NAT2: variants seen among roughly 807,000 people sequenced by gnomAD.
NAT2 encodes arylamine N-acetyltransferase 2.
For synonymous variants in NAT2, 137 were observed against 125.9 expected (o/e 1.09, Z -0.59); for missense variants, 428 against 339.1 (o/e 1.26, Z -2.06).
chr8:18,389,550 CAAAACTGTCAAACATTTG>C (rs1304748107), upstream of NAT2, among the ~76,000 whole-genome samples: 1 of 152,174 alleles, frequency 6.6e-6, no homozygotes, highest in Admixed American at 6.5e-5. Flanking sequence ...CTTAGATACA[CAAAACTGTCAAACATTTG>C]AAGGTGGCTA....
At chr8:18,398,199 A>G (rs1961456) in intron 1 of NAT2, among the ~76,000 whole-genome samples, 50,785 of 152,018 alleles carry the variant, frequency 0.33, 9,044 homozygotes, top group East Asian at 0.67. Context: ...GATTGAGGCA[A>G]AAGGCATAAC....
rs779874333 is a variant in NAT2 at position 18,400,141 on chromosome 8, A to G, written c.138A>G (p.Gln46=). ...PFENLNMHCG[Q]AMELGLEAIF... is the part of the protein sequence containing the mutation. Reference sequence around the variant, plus strand: ...AGAACCTTAACATGCATTGTGGGCAAGCCATGGAGTTGGGCTTAGAGGCTA... The same window carrying G: ...AGAACCTTAACATGCATTGTGGGCAGGCCATGGAGTTGGGCTTAGAGGCTA... The change falls in exon 2 of 2, where the codon CAA becomes CAG. Residue 46 remains glutamine (Q), a synonymous_variant. Transcript: ENST00000286479. 6.2e-7 allele frequency: 1 copy of G among 1,614,082 alleles called. No homozygotes were observed.
chr8:18,400,857 A>G lies in NAT2; in HGVS notation c.854A>G (p.Asp285Gly), dbSNP rs1283582970. 6.3e-7 allele frequency: 1 copy of G among 1,598,708 alleles called. No homozygotes were observed. Among genetic ancestry groups the G allele is most frequent in the Non-Finnish European group, 8.5e-7 (1 of 1,174,770 alleles). Reference sequence around the variant, plus strand: ...AGAAATCTCGTGCCCAAACCTGGTGATGGATCCCTTACTATTTAGAATAAG... The same window carrying G: ...AGAAATCTCGTGCCCAAACCTGGTGGTGGATCCCTTACTATTTAGAATAAG... ...LGRNLVPKPG[D>G]GSLTI The change falls in exon 2 of 2, where the codon GAT becomes GGT. Residue 285 changes from aspartate to glycine, a missense_variant. Physicochemically the swap from Asp to Gly is moderately conservative, Grantham distance 94. Coordinates refer to ENST00000286479, the MANE Select transcript of NAT2 (RefSeq NM_000015.3).
intron 1 of NAT2, among the ~76,000 whole-genome samples, chr8:18,394,104 A>T (rs1800641586): frequency 6.6e-6 from 1 of 152,066 alleles, no homozygotes; most frequent in Non-Finnish European, 1.5e-5. Flanking sequence ...AAAGAAAAGT[A>T]CAGTCAAAGG....
chr8:18,398,157 G>A (rs1046480777), intron 1 of NAT2, among the ~76,000 whole-genome samples: 1 of 152,258 alleles, frequency 6.6e-6, no homozygotes, highest in South Asian at 2.1e-4. Context: ...TTATGCTTAG[G>A]TGCGACAAGG....
At chr8:18,398,366 C>T (rs1112005) in intron 1 of NAT2, among the ~76,000 whole-genome samples, 37,746 of 152,018 alleles carry the variant, frequency 0.25, 4,890 homozygotes, top group South Asian at 0.34. Context: ...AATTCATACA[C>T]AGAAAGGGAG....
At chr8:18,388,117 C>T (rs964664934), upstream of NAT2, among the ~76,000 whole-genome samples, 72 of 152,210 alleles carry the variant, frequency 4.7e-4, no homozygotes, top group African/African-American at 1.7e-3. Flanking sequence ...GGTGGGCATC[C>T]TGGAGGTAAA....
Position 18,400,952 on chromosome 8 carries a change from C to T in NAT2, c.*76C>T, listed in dbSNP as rs1262145401. 1 of 1,027,128 alleles carries T rather than the reference C, an allele frequency of 9.7e-7. No individual in the cohort carries two copies. The highest frequency in any genetic ancestry group is 1.6e-5 in the African/African-American group (1 of 60,828). The allele number at this position is 1,027,128 out of a possible 1,614,324, so 63.6% of individuals were successfully genotyped here. On this transcript the variant is annotated 3_prime_UTR_variant, in exon 2 of 2. Transcript: ENST00000286479. ...ATCAACTTATGTGCTATCAGATATC[C>T]TCTCTACCCTCACGTTATTTTGAAG... is the stretch of plus-strand genomic sequence containing the variant.
chr8:18,394,880 AT>A, intron 1 of NAT2, among the ~76,000 whole-genome samples: 2 of 152,356 alleles, frequency 1.3e-5, no homozygotes, highest in Middle Eastern at 6.8e-3. Context: ...TAAATTAGCA[AT>A]AATCACTAAG....
rs1800633046 is a variant in NAT2, at chr8:18,393,822, G to C, written c.-7+2477G>C. On this transcript the variant is annotated intron_variant, in intron 1 of 1. Transcript: ENST00000286479. Reference sequence around the variant, plus strand: ...AAAAATTCAGGATTTGGTCTAACTTGTAAAAAATAATAAAAACTGAAAAAA... The same window carrying C: ...AAAAATTCAGGATTTGGTCTAACTTCTAAAAAATAATAAAAACTGAAAAAA... Among the ~76,000 whole-genome samples, 3 of 152,168 alleles carry C rather than the reference G, an allele frequency of 2.0e-5. 1 individual carries two copies. In the South Asian group the frequency reaches 6.2e-4, roughly 32 times the overall value.
At chr8:18,394,630 A>C (rs1219048778) in intron 1 of NAT2, among the ~76,000 whole-genome samples, 1 of 132,184 alleles carries the variant, frequency 7.6e-6, no homozygotes, top group Non-Finnish European at 1.8e-5. Context: ...GCCTGTCAGA[A>C]TGTGACCTTC....
upstream of NAT2, chr8:18,387,421 A>G: frequency 6.5e-6 from 1 of 153,186 alleles, no homozygotes; most frequent in Non-Finnish European, 1.5e-5. Flanking sequence ...CCGGCCCCGG[A>G]GTTCAGCAGC....
At chr8:18,393,159 C>G (rs1187397643) in intron 1 of NAT2, among the ~76,000 whole-genome samples, 2 of 151,798 alleles carry the variant, frequency 1.3e-5, no homozygotes, top group Admixed American at 1.3e-4. Context: ...TCTTCAGTCC[C>G]CACTTTGAAA....
chr8:18,396,755 G>A (rs985829778), intron 1 of NAT2, among the ~76,000 whole-genome samples: 1 of 152,112 alleles, frequency 6.6e-6, no homozygotes, highest in Non-Finnish European at 1.5e-5. Flanking sequence ...GCTAAATCCT[G>A]AGCTATCTGT....
At chr8:18,399,405 C>T (rs1032350458) in intron 1 of NAT2, among the ~76,000 whole-genome samples, 6 of 152,184 alleles carry the variant, frequency 3.9e-5, no homozygotes, top group Non-Finnish European at 8.8e-5. Flanking sequence ...GTCCCTTCAA[C>T]TCCCATTAAA....
chr8:18,392,301 G>A (rs1462689601), intron 1 of NAT2, among the ~76,000 whole-genome samples: 6 of 152,164 alleles, frequency 3.9e-5, no homozygotes, highest in East Asian at 1.9e-4. Context: ...ACAGTAGGCC[G>A]TCTGCAAGCT....
chr8:18,399,933 T>C, intron 1 of NAT2, 65 bp from the exon 2 acceptor site: 2 of 1,472,422 alleles, frequency 1.4e-6, no homozygotes, highest in East Asian at 4.6e-5. Context: ...TACCTATAAT[T>C]AGTCACACGA....
chr8:18,392,229 T>A (rs969417051), intron 1 of NAT2, among the ~76,000 whole-genome samples: 2 of 152,168 alleles, frequency 1.3e-5, no homozygotes, highest in Non-Finnish European at 2.9e-5. Flanking sequence ...ATAGGATAGA[T>A]GTATACATAA....
chr8:18,392,503 C>T (rs962421263), intron 1 of NAT2, among the ~76,000 whole-genome samples: 3 of 152,218 alleles, frequency 2.0e-5, no homozygotes, highest in Non-Finnish European at 2.9e-5. Context: ...AGTCTTTCCA[C>T]ATTCTTCTGC....
Sources: allele counts gnomAD v4.1 joint callset (sites outside exome capture counted in the v4.1 genomes callset), GRCh38; gene constraint gnomAD v4.1.1; transcripts MANE v1.5; gene names NCBI Gene and HGNC (gene_info 2026-07-23, HGNC 2026-07-21).